The following CMTR1 variants were observed in gnomAD, a reference collection of about 807,000 sequenced individuals.
The protein encoded by CMTR1 is cap methyltransferase 1.
CMTR1 carries 39 observed loss-of-function variants against 107.0 expected under a neutral mutation model. The observed-to-expected ratio is 0.36, with a 90% CI of 0.28 to 0.48. The LOEUF (loss-of-function observed/expected upper bound fraction) is 0.48, where lower values mean the gene tolerates loss of function less well. CMTR1 is among the 20% of genes least tolerant of loss of function. The pLI is 0.99. For missense variants in CMTR1, 672 were observed against 1,064.9 expected, an observed-to-expected ratio of 0.63 and a Z score of 5.14; for synonymous variants, 366 against 379.5, an observed-to-expected ratio of 0.96 and a Z score of 0.41.
At chr6:37,430,127 A>G (rs952844251), upstream of CMTR1, among the ~76,000 whole-genome samples, 22 of 152,172 alleles carry the variant, frequency 1.4e-4, no homozygotes, top group African/African-American at 5.3e-4. Flanking sequence ...CTTTTAGTAC[A>G]AGTTGGGAGA....
Position 37,461,563 on chromosome 6 carries a change from G to A in CMTR1, c.1110G>A (p.Glu370=). Residue 370 remains glutamate (E), a synonymous_variant, in exon 11 of 24, where the codon GAG becomes GAA. Transcript: ENST00000373451. ...TCTCATTTCAGGGTTTCTCGGTGGA[G>A]GGGCAGGAGAACCTGCAGGAGATCC... is the stretch of plus-strand genomic sequence containing the variant. ...FLMADGGFSV[E]GQENLQEILS... 2 of 1,600,408 alleles carry A rather than the reference G, an allele frequency of 1.2e-6. No individual in the cohort carries two copies. Among genetic ancestry groups the A allele is most frequent in the Non-Finnish European group, 8.5e-7 (1 of 1,172,266 alleles).
intron 23 of CMTR1, 39 bp downstream of exon 23, chr6:37,479,294 C>T (rs1280933054): frequency 7.1e-7 from 1 of 1,408,986 alleles, no homozygotes; most frequent in South Asian, 1.2e-5. Flanking sequence ...CCTTAGCAGC[C>T]TCAAGTACTC....
chr6:37,467,280 T>A (rs1052916923), intron 13 of CMTR1, among the ~76,000 whole-genome samples: 5 of 152,256 alleles, frequency 3.3e-5, no homozygotes, highest in Admixed American at 6.5e-5. Context: ...ATTCATAGAT[T>A]ATGTATATGT....
Position 37,471,078 on chromosome 6 carries a change from G to GT in CMTR1, c.1562+2dup. ...AAATCCATGCCTTTGTTCAAGACACGTGAGTGTTGCCCACTTTTCAGAAAC... is the reference window on the plus strand; with the variant it reads ...AAATCCATGCCTTTGTTCAAGACACGTTGAGTGTTGCCCACTTTTCAGAAAC... On this transcript the variant is annotated splice_donor_variant, in intron 14 of 23. Transcript: ENST00000373451. LOFTEE classifies it high-confidence loss of function. The GT allele has an allele frequency of 6.2e-7, 1 of 1,601,630 alleles. No homozygotes were observed. The highest frequency in any genetic ancestry group is 8.5e-7 in the Non-Finnish European group (1 of 1,172,684).
At chr6:37,436,134 G>A (rs966507894) in intron 2 of CMTR1, among the ~76,000 whole-genome samples, 7 of 152,296 alleles carry the variant, frequency 4.6e-5, no homozygotes, top group African/African-American at 1.2e-4. Flanking sequence ...CTTTGCTGCG[G>A]CCGTCGAGCC....
chr6:37,462,841 C>T lies in CMTR1; in HGVS notation c.1338C>T (p.Cys446=). 6.2e-7 allele frequency: 1 copy of T among 1,612,606 alleles called. No individual in the cohort carries two copies. The highest frequency in any genetic ancestry group is 8.5e-7 in the Non-Finnish European group (1 of 1,179,976). Residue 446 remains cysteine (C), a synonymous_variant, in exon 13 of 24, where the codon TGC becomes TGT. Transcript: ENST00000373451. ...RPANSERYVV[C]KGLKVGIDDV... is the part of the protein sequence containing the mutation. ...TATCTTCTGCCAGGTATGTGGTGTGCAAGGGCCTGAAGGTGGGCATAGATG... is the reference window on the plus strand; with the variant it reads ...TATCTTCTGCCAGGTATGTGGTGTGTAAGGGCCTGAAGGTGGGCATAGATG...
chr6:37,459,746 ATTGT>A, intron 10 of CMTR1, 62 bp downstream of exon 10: 1 of 1,228,478 alleles, frequency 8.1e-7, no homozygotes. Flanking sequence ...AGGTTTGAGA[ATTGT>A]TTGTTTTATC....
At chr6:37,428,057 A>AGAGAGAGAGAGAGAGAGG in the CMTR1 span, among the ~76,000 whole-genome samples, 98 of 143,228 alleles carry the variant, frequency 6.8e-4, 5 homozygotes, top group Admixed American at 8.4e-4. Flanking sequence ...AGAGAGAGAG[A>AGAGAGAGAGAGAGAGAGG]GAGAAACTCT....
chr6:37,434,545 T>G (rs1771477964), intron 1 of CMTR1, among the ~76,000 whole-genome samples: 1 of 152,218 alleles, frequency 6.6e-6, no homozygotes, highest in Admixed American at 6.5e-5. Context: ...CTTCATTCCA[T>G]CTTATTTTTT....
At chr6:37,441,853 C>G (rs1206746973) in intron 2 of CMTR1, among the ~76,000 whole-genome samples, 12 of 152,176 alleles carry the variant, frequency 7.9e-5, no homozygotes, top group Admixed American at 7.9e-4. Flanking sequence ...GTGGCACTCT[C>G]TGGCACTCTG....
the CMTR1 span, among the ~76,000 whole-genome samples, chr6:37,425,485 G>A: frequency 2.0e-5 from 3 of 151,546 alleles, no homozygotes; most frequent in African/African-American, 4.9e-5. Context: ...TAGTAGAGAC[G>A]GGGTTGTACC....
At position 37,450,882 on chromosome 6, in the gene CMTR1, T is replaced by C. The variant is rs544759150; in HGVS notation, c.537+539T>C. ...TTTCATAATGATATTGAAAAGTTAT[T>C]TGCACTTTTCACCCTCATTCTCTCA... On this transcript the variant is annotated intron_variant, in intron 5 of 23. Transcript: ENST00000373451. Among the ~76,000 whole-genome samples, 14 of 152,316 alleles carry C rather than the reference T, an allele frequency of 9.2e-5. No homozygotes were observed. In the South Asian group the frequency reaches 1.7e-3, roughly 18 times the overall value.
upstream of CMTR1, among the ~76,000 whole-genome samples, chr6:37,429,189 T>C (rs1771333077): frequency 6.6e-6 from 1 of 152,224 alleles, no homozygotes; most frequent in African/African-American, 2.4e-5. Flanking sequence ...ATTCTGCTAT[T>C]GAACCTATCT....
intron 4 of CMTR1, among the ~76,000 whole-genome samples, chr6:37,448,253 C>T (rs557677289): frequency 2.3e-4 from 35 of 149,944 alleles, no homozygotes; most frequent in African/African-American, 7.6e-4. Flanking sequence ...CAGTTGGCAG[C>T]CACTTCTTTA....
the CMTR1 span, among the ~76,000 whole-genome samples, chr6:37,424,158 A>G: frequency 6.6e-6 from 1 of 152,166 alleles, no homozygotes; most frequent in Non-Finnish European, 1.5e-5. Context: ...GTTAGAAAAG[A>G]AAATGATTTG....
chr6:37,457,763 A>G (rs1761325035), intron 8 of CMTR1, among the ~76,000 whole-genome samples: 1 of 152,176 alleles, frequency 6.6e-6, no homozygotes, highest in South Asian at 2.1e-4. Flanking sequence ...AAAGGAAGAC[A>G]GAGGCTATGA....
At chr6:37,471,655 T>C (rs920256577) in intron 14 of CMTR1, among the ~76,000 whole-genome samples, 192 bp from the exon 15 acceptor site, 13 of 152,290 alleles carry the variant, frequency 8.5e-5, no homozygotes, top group African/African-American at 3.1e-4. Flanking sequence ...TCGTGTATGT[T>C]TGAGCTCCTG....
intron 1 of CMTR1, among the ~76,000 whole-genome samples, chr6:37,433,858 G>A (rs1365788355): frequency 6.6e-6 from 1 of 152,232 alleles, no homozygotes; most frequent in African/African-American, 2.4e-5. Context: ...TGTGGCCGCA[G>A]TCTTTTCCCG....
At position 37,435,815 on chromosome 6, in the gene CMTR1, A is replaced by G. The variant is rs113720712; in HGVS notation, c.133+53A>G. The G allele has an allele frequency of 8.8e-4, 1,350 of 1,532,298 alleles. 15 individuals carry two copies. In the African/African-American group the frequency reaches 0.017, roughly 19 times the overall value. The allele number at this position is 1,532,298 out of a possible 1,614,324, so 94.9% of individuals were successfully genotyped here. A position where few individuals can be genotyped will look rare whatever the true frequency, so the allele number is the denominator to read the frequency against. On this transcript the variant is annotated intron_variant, in intron 2 of 23. Transcript: ENST00000373451. ...ACTGGCCATCTGGTTATTTGAACAC[A>G]CAGTGTCTAATCTAGGTGGAGCAGA...
Sources: gnomAD v4.1 joint callset for allele counts (sites outside exome capture counted in the v4.1 genomes callset) on GRCh38, gnomAD v4.1.1 for gene constraint, MANE v1.5 for transcripts, NCBI Gene and HGNC (gene_info 2026-07-23, HGNC 2026-07-21) for gene names.